The following TEX11 variants were observed in gnomAD, a reference collection of about 807,000 sequenced individuals.
The protein encoded by TEX11 is testis expressed 11.
A neutral mutation model predicts 84.4 loss-of-function variants in TEX11; 7 were observed. The ratio of observed to expected loss-of-function variants is 0.08; its 90% confidence interval spans 0.05 to 0.16. The LOEUF is 0.16. TEX11 is among the 10% of genes least tolerant of loss of function. The probability of loss-of-function intolerance (pLI) is 1.00; values close to 1 mark genes in which losing one functional copy is unlikely to be tolerated. For synonymous variants in TEX11, 264 were observed against 222.8 expected (o/e 1.18, Z -1.64); for missense variants, 551 against 660.5 (o/e 0.83, Z 1.82).
At chrX:70,742,809 T>C (rs1367171977) in intron 10 of TEX11, among the ~76,000 whole-genome samples, 1 of 110,517 alleles carries the variant, frequency 9.0e-6, no homozygotes, top group East Asian at 2.9e-4. Context: ...CACAGCTCAT[T>C]GCAGCCTCAA....
chrX:70,703,175 C>T (rs1187423792), intron 13 of TEX11, among the ~76,000 whole-genome samples: 3 of 111,461 alleles, frequency 2.7e-5, no homozygotes, highest in Non-Finnish European at 5.7e-5. Flanking sequence ...CAGATCTAAG[C>T]AGCATACTCA....
rs145808436 is a variant in TEX11, at chrX:70,760,958, C to T, written c.693-16739G>A. Among the ~76,000 whole-genome samples, 808 of 112,153 alleles carry T rather than the reference C, an allele frequency of 7.2e-3. 7 individuals carry two copies. The highest frequency in any genetic ancestry group is 0.025 in the African/African-American group (774 of 30,883). On this transcript the variant is annotated intron_variant, in intron 9 of 29. Transcript: ENST00000374333. Reference sequence around the variant, plus strand: ...TGAAAAAGTAGGCAAAGGATATGAACAGACACTTCTCAAAAGAAAACATTT... The same window carrying T: ...TGAAAAAGTAGGCAAAGGATATGAATAGACACTTCTCAAAAGAAAACATTT...
chrX:70,890,896 GCCT>G (rs1384436302), intron 2 of TEX11, among the ~76,000 whole-genome samples: 2 of 112,553 alleles, frequency 1.8e-5, no homozygotes, highest in Non-Finnish European at 3.8e-5. Context: ...TGGACAGACT[GCCT>G]CCTCAAGTGG....
At chrX:70,518,083 CTT>C in the TEX11 span, among the ~76,000 whole-genome samples, 2 of 109,670 alleles carry the variant, frequency 1.8e-5, no homozygotes, top group Admixed American at 2.0e-4. Flanking sequence ...AGCTGCTGGA[CTT>C]ATTGATTTTT....
chrX:70,890,832 G>A (rs1240827065), intron 2 of TEX11, among the ~76,000 whole-genome samples: 1 of 112,460 alleles, frequency 8.9e-6, no homozygotes, highest in African/African-American at 3.2e-5. Context: ...GTCCCTGTCT[G>A]ACAGCTCTGA....
intron 2 of TEX11, among the ~76,000 whole-genome samples, chrX:70,893,550 T>C: frequency 9.0e-6 from 1 of 111,605 alleles, no homozygotes; most frequent in Non-Finnish European, 1.9e-5. Context: ...ATACCAGGGT[T>C]GTTGTGCTGG....
At chrX:70,732,907 C>T (rs907816362) in intron 11 of TEX11, among the ~76,000 whole-genome samples, 19 of 112,038 alleles carry the variant, frequency 1.7e-4, no homozygotes, top group Non-Finnish European at 2.1e-4. Context: ...AACTATACTA[C>T]AAGGCTACAG....
At chrX:70,520,233 G>A in the TEX11 span, among the ~76,000 whole-genome samples, 2 of 112,182 alleles carry the variant, frequency 1.8e-5, no homozygotes, top group Non-Finnish European at 3.8e-5. Context: ...TTCTACTCTG[G>A]TTTCTCCCCA....
At chrX:70,874,497 G>A (rs1396053937) in intron 3 of TEX11, among the ~76,000 whole-genome samples, 1 of 103,203 alleles carries the variant, frequency 9.7e-6, no homozygotes, top group Non-Finnish European at 2.0e-5. Context: ...CACCTCCCGG[G>A]TTCAAGTGAT....
intron 13 of TEX11, among the ~76,000 whole-genome samples, chrX:70,693,804 G>A (rs975643719): frequency 2.7e-5 from 3 of 111,735 alleles, no homozygotes; most frequent in African/African-American, 6.5e-5. Flanking sequence ...ACTATGTGAG[G>A]TGATGGATAT....
At chrX:70,847,399 C>T (rs1475345444) in intron 7 of TEX11, among the ~76,000 whole-genome samples, 2 of 111,011 alleles carry the variant, frequency 1.8e-5, no homozygotes, top group African/African-American at 6.5e-5. Context: ...TTTATTCCGA[C>T]CTCATTTTCT....
At chrX:70,897,680 AAAGAAAGAAAGAAAG>A (rs1322392058) in intron 2 of TEX11, 61 of 12,381 alleles carry the variant, frequency 4.9e-3, no homozygotes, top group African/African-American at 0.01. Flanking sequence ...AAAGAAAGAA[AAAGAAAGAAAGAAAG>A]AAAGAAAGAA....
At chrX:70,880,193 A>T (rs955794346) in intron 2 of TEX11, 84 bp from the exon 3 acceptor site, 6 of 719,343 alleles carry the variant, frequency 8.3e-6, no homozygotes, top group African/African-American at 2.1e-5. Context: ...CTATGTCTAA[A>T]TCATTGGCCA....
At chrX:70,517,353 G>A in the TEX11 span, among the ~76,000 whole-genome samples, 1 of 111,843 alleles carries the variant, frequency 8.9e-6, no homozygotes, top group African/African-American at 3.2e-5. Flanking sequence ...TTTTGTCAAA[G>A]GCCTTTTCTG....
intron 19 of TEX11, 66 bp from the exon 20 acceptor site, chrX:70,624,072 T>A: frequency 1.1e-6 from 1 of 879,543 alleles, no homozygotes. Flanking sequence ...AATGAATACA[T>A]ACCAAGTTAC....
intron 9 of TEX11, among the ~76,000 whole-genome samples, chrX:70,779,599 T>G (rs892792627): frequency 9.2e-6 from 1 of 108,869 alleles, no homozygotes; most frequent in Non-Finnish European, 1.9e-5. Flanking sequence ...ATACAATAGA[T>G]CAACGAAACT....
At chrX:70,836,327 A>T (rs917832261) in intron 7 of TEX11, among the ~76,000 whole-genome samples, 1 of 111,276 alleles carries the variant, frequency 9.0e-6, no homozygotes, top group African/African-American at 3.3e-5. Flanking sequence ...AAAGAAATCA[A>T]TCAACTGGAC....
rs1286021038 is a variant in TEX11 at position 70,792,335 on chromosome X, TATATATATATATATATATATATAC to T, written c.692+14346_692+14369del. Among the ~76,000 whole-genome samples the T allele has an allele frequency of 6.4e-3, 47 of 7,385 alleles. 4 individuals carry two copies. Among genetic ancestry groups the T allele is most frequent in the African/African-American group, 0.026 (25 of 956 alleles). The allele number at this position is 7,385 out of a possible 115,157, so 6.4% of individuals were successfully genotyped here. The stretch of plus-strand genomic sequence containing the variant: ...AAAAAAATATATATATATATATATA[TATATATATATATATATATATATAC>T]ACACACAAATATATATCTGGGATGC... On this transcript the variant is annotated intron_variant, in intron 9 of 29. Coordinates refer to ENST00000374333, the MANE Select transcript of TEX11 (RefSeq NM_031276.3).
Position 70,873,242 on chromosome X carries a change from A to G in TEX11, c.225T>C (p.Asn75=). ...ACATACATCTAATTTTCTGCTCTTC[A>G]TTTACAAGCCAACCTCCTCCTATGG... The part of the protein sequence containing the change: ...ALTIGGGWLV[N]EEQKIRLHYV... The change falls in exon 4 of 30, where the codon AAT becomes AAC. Residue 75 remains asparagine (N), a synonymous_variant. Coordinates refer to ENST00000374333, the MANE Select transcript of TEX11 (RefSeq NM_031276.3). The G allele has an allele frequency of 8.4e-7, 1 of 1,191,775 alleles. No individual in the cohort carries two copies. The highest frequency in any genetic ancestry group is 1.1e-6 in the Non-Finnish European group (1 of 877,537).
Sources: gnomAD v4.1 joint callset for allele counts (sites outside exome capture counted in the v4.1 genomes callset) on GRCh38, gnomAD v4.1.1 for gene constraint, MANE v1.5 for transcripts, NCBI Gene and HGNC (gene_info 2026-07-23, HGNC 2026-07-21) for gene names.